FKTN: variants seen among roughly 807,000 people sequenced by gnomAD.
FKTN encodes fukutin, also known as ribitol-5-phosphate transferase FKTN.
In FKTN, 47 loss-of-function variants were observed where a neutral mutation model predicts 58.6. The ratio of observed to expected loss-of-function variants is 0.80; its 90% CI spans 0.63 to 1.02. The LOEUF (loss-of-function observed/expected upper bound fraction) is 1.02. Among genes scored for constraint, FKTN ranks in the 50% least tolerant of loss-of-function variants. The pLI is 0.00. For missense variants in FKTN, 516 were observed against 537.3 expected, an observed-to-expected ratio of 0.96 and a Z score of 0.39; for synonymous variants, 178 against 191.9, an observed-to-expected ratio of 0.93 and a Z score of 0.60.
rs939985733 is a variant in FKTN at position 105,575,066 on chromosome 9, C to G, written c.34C>G (p.Leu12Val). The change falls in exon 3 of 11, where the codon CTT (leucine) becomes GTT (valine). Residue 12 changes from leucine (L) to valine (V), a missense_variant. Leu to Val is a conservative substitution (Grantham distance 32, BLOSUM62 1). Transcript: ENST00000357998. Reference sequence around the variant, plus strand: ...AATCAATAAGAACGTGGTTTTGGCCCTTTTAACGCTGACAAGTTCTGCATT... The same window carrying G: ...AATCAATAAGAACGTGGTTTTGGCCGTTTTAACGCTGACAAGTTCTGCATT... ...SRINKNVVLA[L>V]LTLTSSAFLL... 1 of 1,611,328 alleles carries G rather than the reference C, an allele frequency of 6.2e-7. No individual in the cohort carries two copies. The highest frequency in any genetic ancestry group is 1.7e-5 in the Admixed American group (1 of 59,974).
At chr9:105,591,128 CA>C (rs1379104315) in intron 3 of FKTN, among the ~76,000 whole-genome samples, 1 of 152,128 alleles carries the variant, frequency 6.6e-6, no homozygotes, top group Non-Finnish European at 1.5e-5. Flanking sequence ...CTGGGGATTA[CA>C]ATTTGACATG....
chr9:105,640,149 G>T lies in FKTN; in HGVS notation c.*4885G>T. 6.5e-7 allele frequency: 1 copy of T among 1,535,312 alleles called. No homozygotes were observed. Among genetic ancestry groups the T allele is most frequent in the African/African-American group, 1.4e-5 (1 of 73,132 alleles). On this transcript the variant is annotated 3_prime_UTR_variant, in exon 11 of 11. Coordinates refer to ENST00000357998, the MANE Select transcript of FKTN (RefSeq NM_001079802.2). ...TGCCATTTTAAGCTGCTTCACATCA[G>T]ACTGAAATCCTAATTACAGTTCATA...
intron 10 of FKTN, among the ~76,000 whole-genome samples, chr9:105,629,309 G>T (rs903226106): frequency 6.6e-6 from 1 of 152,272 alleles, no homozygotes; most frequent in East Asian, 1.9e-4. Context: ...TGAAACAGAG[G>T]GATATATGGG....
At position 105,636,668 on chromosome 9, in the gene FKTN, T is replaced by A; in HGVS notation, c.*1404T>A. 1 of 1,267,334 alleles carries A rather than the reference T, an allele frequency of 7.9e-7. No homozygotes were observed. 78.5% of individuals were successfully genotyped at this position (1,267,334 alleles called of 1,614,324 possible). On this transcript the variant is annotated 3_prime_UTR_variant, in exon 11 of 11. Coordinates refer to ENST00000357998, the MANE Select transcript of FKTN (RefSeq NM_001079802.2). ...ATAAGCACTGCTATTTTTCTCTTTGTCTAGGAAAGGAAGCTGAATCTTATA... is the reference window on the plus strand; with the variant it reads ...ATAAGCACTGCTATTTTTCTCTTTGACTAGGAAAGGAAGCTGAATCTTATA...
chr9:105,625,361 A>G (rs939532549), intron 10 of FKTN, among the ~76,000 whole-genome samples: 2 of 152,210 alleles, frequency 1.3e-5, no homozygotes, highest in Non-Finnish European at 2.9e-5. Flanking sequence ...ACTTAGGGCC[A>G]TGTAAAGATG....
intron 1 of FKTN, among the ~76,000 whole-genome samples, chr9:105,560,265 A>G (rs1838045009): frequency 6.6e-6 from 1 of 152,190 alleles, no homozygotes; most frequent in African/African-American, 2.4e-5. Flanking sequence ...AGTGCTTTTC[A>G]AATTTTAATG....
Position 105,636,616 on chromosome 9 carries a change from T to C in FKTN, c.*1352T>C. ...TATCACTTGAATGATATATTGTAAG[T>C]GAGAGGTAAAGGAAAATGTAGGCAC... On this transcript the variant is annotated 3_prime_UTR_variant, in exon 11 of 11. Coordinates refer to ENST00000357998, the MANE Select transcript of FKTN (RefSeq NM_001079802.2). 1 of 1,193,662 alleles carries C rather than the reference T, an allele frequency of 8.4e-7. No individual in the cohort carries two copies. Among genetic ancestry groups the C allele is most frequent in the Non-Finnish European group, 1.1e-6 (1 of 923,404 alleles). 73.9% of individuals were successfully genotyped at this position (1,193,662 alleles called of 1,614,324 possible). A position where few individuals can be genotyped will look rare whatever the true frequency, so the allele number is the denominator to read the frequency against.
chr9:105,565,691 A>G (rs755104924), intron 1 of FKTN, among the ~76,000 whole-genome samples: 1 of 152,162 alleles, frequency 6.6e-6, no homozygotes, highest in African/African-American at 2.4e-5. Flanking sequence ...CTCCCATACA[A>G]TAATAATGGG....
At chr9:105,613,660 T>TATC (rs1464785939) in intron 7 of FKTN, among the ~76,000 whole-genome samples, 2 of 152,246 alleles carry the variant, frequency 1.3e-5, no homozygotes, top group Non-Finnish European at 2.9e-5. Flanking sequence ...CTCAGGGAAC[T>TATC]ATCTTTACAG....
In FKTN at chr9:105,579,767, G is replaced by A. The variant is rs967733844; in HGVS notation, c.105+4630G>A. 8.5e-3 allele frequency among the ~76,000 whole-genome samples: 1,251 copies of A among 147,958 alleles called. 11 individuals are homozygous for A. Among genetic ancestry groups the A allele is most frequent in the Middle Eastern group, 0.025 (7 of 284 alleles). On this transcript the variant is annotated intron_variant, in intron 3 of 10. Coordinates refer to ENST00000357998, the MANE Select transcript of FKTN (RefSeq NM_001079802.2). The stretch of plus-strand genomic sequence containing the variant: ...ATCTGTCTAATGTTGACAGTGGGGT[G>A]TTAAAGTCTCCCATTATTAATGTGT...
rs752268829 is a variant in FKTN at position 105,604,313 on chromosome 9, T to C, written c.468T>C (p.Thr156=). Residue 156 remains threonine, a synonymous_variant, in exon 6 of 11, where the codon ACT becomes ACC. Coordinates refer to ENST00000357998, the MANE Select transcript of FKTN (RefSeq NM_001079802.2). The part of the protein sequence containing the change: ...RLDGIDSLSG[T]EIPLHYICKL... Reference sequence around the variant, plus strand: ...ACGGGATAGACTCACTCTCTGGAACTGAAATCCCCCTGCACTATATCTGCA... The same window carrying C: ...ACGGGATAGACTCACTCTCTGGAACCGAAATCCCCCTGCACTATATCTGCA... 1.2e-6 allele frequency: 2 copies of C among 1,614,056 alleles called. No individual in the cohort carries two copies. The highest frequency in any genetic ancestry group is 1.1e-5 in the South Asian group (1 of 91,070).
intron 3 of FKTN, among the ~76,000 whole-genome samples, chr9:105,581,218 G>C (rs1357533046): frequency 6.7e-6 from 1 of 149,760 alleles, no homozygotes; most frequent in African/African-American, 2.5e-5. Context: ...GAGGAACTGC[G>C]TTCCTTTGTA....
rs148574004 is a variant in FKTN at position 105,626,423 on chromosome 9, G to A, written c.1172+6362G>A. Among the ~76,000 whole-genome samples, 308 of 152,286 alleles carry A rather than the reference G, an allele frequency of 2.0e-3. 1 individual carries two copies. The highest frequency in any genetic ancestry group is 7.0e-3 in the African/African-American group (291 of 41,546). On this transcript the variant is annotated intron_variant, in intron 10 of 10. Coordinates refer to ENST00000357998, the MANE Select transcript of FKTN (RefSeq NM_001079802.2). ...CTCACATGGTGAAAGGAGCAATCAA[G>A]CTCCCTTAGGCCTTTTTTATAAAGT...
chr9:105,629,342 A>G (rs1266812910), intron 10 of FKTN, among the ~76,000 whole-genome samples: 1 of 152,270 alleles, frequency 6.6e-6, no homozygotes, highest in African/African-American at 2.4e-5. Context: ...GAATTTGGTC[A>G]GGGCAGACCT....
chr9:105,583,890 T>C lies in FKTN; in HGVS notation c.105+8753T>C, dbSNP rs77431556. The stretch of plus-strand genomic sequence containing the variant: ...ACATCTAACTTACATTTTTCCACAA[T>C]GATTAACCAATTGTCCCAATATCCC... On this transcript the variant is annotated intron_variant, in intron 3 of 10. Transcript: ENST00000357998. Among the ~76,000 whole-genome samples the C allele has an allele frequency of 9.1e-3, 1,381 of 152,334 alleles. 22 individuals are homozygous for C. The highest frequency in any genetic ancestry group is 0.032 in the African/African-American group (1,322 of 41,572).
At chr9:105,610,559 C>A (rs1829729928) in intron 7 of FKTN, among the ~76,000 whole-genome samples, 1 of 151,986 alleles carries the variant, frequency 6.6e-6, no homozygotes, top group African/African-American at 2.4e-5. Flanking sequence ...ACCCCCTGTT[C>A]TTCTCACCCT....
At position 105,636,023 on chromosome 9, in the gene FKTN, C is replaced by T. The variant is rs565428932; in HGVS notation, c.*759C>T. ...ACTGACCTCTGATGGCACTTGTTGACAAATCATTCAAGTGAGACCATGTTA... is the reference window on the plus strand; with the variant it reads ...ACTGACCTCTGATGGCACTTGTTGATAAATCATTCAAGTGAGACCATGTTA... On this transcript the variant is annotated 3_prime_UTR_variant, in exon 11 of 11. Coordinates refer to ENST00000357998, the MANE Select transcript of FKTN (RefSeq NM_001079802.2). The T allele has an allele frequency of 2.4e-5, 24 of 985,348 alleles. No individual in the cohort carries two copies. In the African/African-American group the frequency reaches 3.8e-4, roughly 16 times the overall value. The allele number at this position is 985,348 out of a possible 1,614,324, so 61.0% of individuals were successfully genotyped here.
intron 1 of FKTN, among the ~76,000 whole-genome samples, chr9:105,564,803 CA>C (rs1333097566): frequency 6.6e-6 from 1 of 152,128 alleles, no homozygotes; most frequent in African/African-American, 2.4e-5. Context: ...GAGAATGCCA[CA>C]AAGATACTCC....
At position 105,596,608 on chromosome 9, in the gene FKTN, G is replaced by C. The variant is rs1051378547; in HGVS notation, c.116G>C (p.Gly39Ala). The C allele has an allele frequency of 6.8e-6, 11 of 1,612,406 alleles. No individual in the cohort carries two copies. Among genetic ancestry groups the C allele is most frequent in the African/African-American group, 1.3e-5 (1 of 74,878 alleles). Residue 39 changes from glycine (G) to alanine (A), a missense_variant, in exon 4 of 11, where the codon GGT (glycine) becomes GCT (alanine). Physicochemically the swap from Gly to Ala is moderately conservative, Grantham distance 60 (BLOSUM62 0). Transcript: ENST00000357998. ...TTGTTGTCTTCCTAGAATGGAGCTG[G>C]TTTGTCAAAATCCAAAGGAAGCCGA... ...KHYLSTKNGA[G>A]LSKSKGSRIG...
Sources: allele counts gnomAD v4.1 joint callset (sites outside exome capture counted in the v4.1 genomes callset), GRCh38; gene constraint gnomAD v4.1.1; transcripts MANE v1.5; gene names NCBI Gene and HGNC (gene_info 2026-07-23, HGNC 2026-07-21).